PTPRN2: variants seen among roughly 807,000 people sequenced by gnomAD.
PTPRN2 encodes protein tyrosine phosphatase receptor type N2.
PTPRN2 carries 74 observed loss-of-function variants against 118.8 expected under a neutral mutation model. That is an observed-to-expected ratio of 0.62 (90% confidence interval 0.52 to 0.76). The LOEUF (loss-of-function observed/expected upper bound fraction) is 0.76. PTPRN2 is among the 30% of genes least tolerant of loss of function. The pLI, the probability that PTPRN2 is intolerant of heterozygous loss-of-function variation, is 0.00. For missense variants in PTPRN2, 1,481 were observed against 1,394.4 expected (o/e 1.06, Z -0.99); for synonymous variants, 641 against 608.0 (o/e 1.05, Z -0.80).
At chr7:158,440,872 TTGGTGG>T (rs762158217) in intron 2 of PTPRN2, among the ~76,000 whole-genome samples, 1 of 73,434 alleles carries the variant, frequency 1.4e-5, no homozygotes, top group African/African-American at 5.3e-5. Flanking sequence ...GGCAGTGGTA[TTGGTGG>T]TGGTGGTGAA....
chr7:157,666,644 T>C (rs1306480144), intron 13 of PTPRN2, among the ~76,000 whole-genome samples: 2 of 152,242 alleles, frequency 1.3e-5, no homozygotes, highest in Non-Finnish European at 2.9e-5. Flanking sequence ...CACCCGGGGC[T>C]GTGTGCCACT....
At chr7:158,147,548 G>C (rs1585620962) in intron 6 of PTPRN2, among the ~76,000 whole-genome samples, 1 of 139,414 alleles carries the variant, frequency 7.2e-6, no homozygotes, top group African/African-American at 2.8e-5. Context: ...CACGCCACGT[G>C]TCATTCCCCC....
chr7:158,415,601 A>G (rs1328538644), intron 2 of PTPRN2, among the ~76,000 whole-genome samples: 1 of 152,138 alleles, frequency 6.6e-6, no homozygotes, highest in Non-Finnish European at 1.5e-5. Context: ...CATTCTACCA[A>G]CAAGAACTGC....
intron 2 of PTPRN2, among the ~76,000 whole-genome samples, chr7:158,401,845 T>C (rs1812971241): frequency 6.6e-6 from 1 of 151,844 alleles, no homozygotes; most frequent in Admixed American, 6.6e-5. Context: ...AGGTGCCCAG[T>C]GGAGGGAAGA....
At chr7:158,086,669 T>G (rs555203550) in intron 10 of PTPRN2, among the ~76,000 whole-genome samples, 1 of 152,334 alleles carries the variant, frequency 6.6e-6, no homozygotes, top group East Asian at 1.9e-4. Flanking sequence ...TTTTACAGTA[T>G]GAGCTGAAAC....
intron 11 of PTPRN2, among the ~76,000 whole-genome samples, chr7:157,936,335 G>A (rs1290622366): frequency 6.6e-6 from 1 of 152,172 alleles, no homozygotes; most frequent in South Asian, 2.1e-4. Flanking sequence ...CTGTGCCCCT[G>A]TCACGTTCAC....
chr7:158,239,057 G>A (rs7777448), intron 3 of PTPRN2, among the ~76,000 whole-genome samples: 58,706 of 152,018 alleles, frequency 0.39, 11,882 homozygotes, highest in African/African-American at 0.48. Context: ...GCTGCCACCC[G>A]AGCCTGGTGT....
At chr7:157,762,488 G>A (rs1200457733) in intron 12 of PTPRN2, among the ~76,000 whole-genome samples, 8 of 150,606 alleles carry the variant, frequency 5.3e-5, no homozygotes, top group South Asian at 2.1e-4. Context: ...GTAAACTATC[G>A]CAAAAACAAA....
chr7:157,853,459 C>A (rs112640494), intron 12 of PTPRN2, among the ~76,000 whole-genome samples: 3 of 152,166 alleles, frequency 2.0e-5, no homozygotes, highest in Non-Finnish European at 2.9e-5. Context: ...CCCACCCCCC[C>A]ACCTCCCTTT....
In PTPRN2 at chr7:157,539,187, C is replaced by T. The variant is rs546306384; in HGVS notation, c.*1527G>A. The T allele has an allele frequency of 2.0e-5, 3 of 152,228 alleles. No individual in the cohort carries two copies. Among genetic ancestry groups the T allele is most frequent in the Admixed American group, 6.5e-5 (1 of 15,296 alleles). 9.4% of individuals were successfully genotyped at this position (152,228 alleles called of 1,614,324 possible). ...TTCCTATATTCAGATAAATTCATTTCGATTAATTAAATTCCAGATAGAGAG... is the reference window on the plus strand; with the variant it reads ...TTCCTATATTCAGATAAATTCATTTTGATTAATTAAATTCCAGATAGAGAG... On this transcript the variant is annotated 3_prime_UTR_variant, in exon 23 of 23. Transcript: ENST00000389418.
chr7:158,219,159 A>T (rs1390773054), intron 3 of PTPRN2, among the ~76,000 whole-genome samples: 1 of 152,162 alleles, frequency 6.6e-6, no homozygotes, highest in Non-Finnish European at 1.5e-5. Flanking sequence ...AAGATCAGCC[A>T]CATGCCATAA....
chr7:158,540,032 G>C (rs1825892822), intron 1 of PTPRN2, among the ~76,000 whole-genome samples: 1 of 152,184 alleles, frequency 6.6e-6, no homozygotes, highest in Non-Finnish European at 1.5e-5. Flanking sequence ...GGGACATACG[G>C]TGAGCCTGGA....
intron 2 of PTPRN2, among the ~76,000 whole-genome samples, chr7:158,340,385 TCACCATAA>T (rs1806453236): frequency 1.2e-5 from 1 of 84,734 alleles, no homozygotes; most frequent in Non-Finnish European, 2.4e-5. Context: ...ACCCATACTC[TCACCATAA>T]GAGCTGACAC....
chr7:158,468,318 C>G (rs977272184), intron 2 of PTPRN2, among the ~76,000 whole-genome samples: 5 of 152,212 alleles, frequency 3.3e-5, no homozygotes, highest in Non-Finnish European at 7.3e-5. Flanking sequence ...CCTCACCGCA[C>G]CTTTGGCTTT....
rs1201103731 is a variant in PTPRN2 at position 158,271,011 on chromosome 7, ACCCCTCCACCTGGACGGC to A, written c.277+45790_277+45807del. 3.4e-4 allele frequency among the ~76,000 whole-genome samples: 11 copies of A among 32,828 alleles called. No homozygotes were observed. The South Asian group carries it at 5.3e-3, about 16-fold the overall frequency. 21.5% of individuals were successfully genotyped at this position (32,828 alleles called of 152,430 possible). A position where few individuals can be genotyped will look rare whatever the true frequency, so the allele number is the denominator to read the frequency against. ...CTGGGCCTCCCCATCCACCTGGACC[ACCCCTCCACCTGGACGGC>A]CCCCTCCACCTGGGCCTCCCCCCAA... On this transcript the variant is annotated intron_variant, in intron 3 of 22. Transcript: ENST00000389418.
chr7:158,280,586 GGA>G (rs1799355313), intron 3 of PTPRN2, among the ~76,000 whole-genome samples: 3 of 152,238 alleles, frequency 2.0e-5, no homozygotes, highest in Admixed American at 2.0e-4. Context: ...GAGGGCAGAT[GGA>G]GAGAGAACCA....
chr7:157,683,795 A>G (rs527409821), intron 12 of PTPRN2, among the ~76,000 whole-genome samples: 2 of 152,170 alleles, frequency 1.3e-5, no homozygotes, highest in South Asian at 4.2e-4. Flanking sequence ...ATTAGCAACA[A>G]TTAAGGACGC....
Position 158,517,183 on chromosome 7 carries a change from G to A in PTPRN2, c.113-27398C>T, listed in dbSNP as rs56322235. Among the ~76,000 whole-genome samples, 188 of 152,318 alleles carry A rather than the reference G, an allele frequency of 1.2e-3. No individual in the cohort carries two copies. The highest frequency in any genetic ancestry group is 2.7e-3 in the Admixed American group (41 of 15,298). ...GTGTGGTCCTCACTGAAGACAGGGC[G>A]GGTGGCATTGACCCCCATTCCTGTC... On this transcript the variant is annotated intron_variant, in intron 1 of 22. Transcript: ENST00000389418. The surrounding 1 kb of genome is among the most constrained non-coding windows in gnomAD (Gnocchi z 5.3).
intron 3 of PTPRN2, among the ~76,000 whole-genome samples, chr7:158,269,893 G>C (rs946555852): frequency 7.9e-6 from 1 of 127,210 alleles, no homozygotes; most frequent in African/African-American, 2.5e-5. Flanking sequence ...GAGAGACAGA[G>C]AGACAGAGAC....
Sources: allele counts gnomAD v4.1 joint callset (sites outside exome capture counted in the v4.1 genomes callset), GRCh38; gene constraint gnomAD v4.1.1; non-coding constraint Gnocchi (gnomAD v3.1); transcripts MANE v1.5; gene names NCBI Gene and HGNC (gene_info 2026-07-23, HGNC 2026-07-21).